Variants in TENM2 observed in about 807,000 individuals in gnomAD.
TENM2 encodes the protein teneurin transmembrane protein 2, also known as teneurin-2.
Under a neutral mutation model 245.2 loss-of-function variants are expected in TENM2, and 52 were observed. That is an observed-to-expected ratio of 0.21 (90% CI 0.17 to 0.27). The LOEUF (loss-of-function observed/expected upper bound fraction) is 0.27. Among genes scored for constraint, TENM2 ranks in the 10% least tolerant of loss-of-function variants. The probability of loss-of-function intolerance (pLI) is 1.00; values close to 1 mark genes in which losing one functional copy is unlikely to be tolerated. For missense variants in TENM2, 3,046 were observed against 3,666.8 expected (o/e 0.83, Z 4.37); for synonymous variants, 1,363 against 1,438.9 (o/e 0.95, Z 1.19).
At chr5:167,758,855 A>C (rs1199784991) in intron 2 of TENM2, among the ~76,000 whole-genome samples, 8 of 152,058 alleles carry the variant, frequency 5.3e-5, no homozygotes, top group African/African-American at 1.9e-4. Flanking sequence ...ATCTGCTTTC[A>C]TGCTAGGACC....
chr5:168,190,026 A>G (rs1760806075), intron 13 of TENM2, among the ~76,000 whole-genome samples: 1 of 152,140 alleles, frequency 6.6e-6, no homozygotes, highest in African/African-American at 2.4e-5. Context: ...TTATTTTCCC[A>G]CTCAAATAAT....
chr5:167,570,988 G>A (rs181561313), intron 2 of TENM2, among the ~76,000 whole-genome samples: 215 of 152,250 alleles, frequency 1.4e-3, no homozygotes, highest in African/African-American at 4.7e-3. Context: ...TATTATCCAA[G>A]TGGAAAAACC....
At chr5:166,991,455 G>C in the TENM2 span, among the ~76,000 whole-genome samples, 9 of 152,056 alleles carry the variant, frequency 5.9e-5, no homozygotes, top group African/African-American at 2.2e-4. Flanking sequence ...TTCAGACCTA[G>C]TAATTTAACA....
chr5:167,023,900 A>G, the TENM2 span, among the ~76,000 whole-genome samples: 1 of 152,218 alleles, frequency 6.6e-6, no homozygotes, highest in Admixed American at 6.5e-5. Flanking sequence ...TTAGGTCAAC[A>G]CTTTACTTAT....
At chr5:167,329,551 CA>C (rs34165505) in intron 1 of TENM2, among the ~76,000 whole-genome samples, 702 of 21,832 alleles carry the variant, frequency 0.032, 1 homozygote, top group East Asian at 0.26. Flanking sequence ...GACTCAGTCT[CA>C]AAAAAAAAAA....
At chr5:167,422,793 C>A (rs774996838) in intron 2 of TENM2, among the ~76,000 whole-genome samples, 11 of 152,132 alleles carry the variant, frequency 7.2e-5, no homozygotes, top group Non-Finnish European at 1.5e-4. Context: ...GGAGCATACA[C>A]TGTCAGGGTA....
chr5:167,355,380 A>AT (rs1310890975), intron 1 of TENM2, among the ~76,000 whole-genome samples: 1 of 152,016 alleles, frequency 6.6e-6, no homozygotes, highest in Non-Finnish European at 1.5e-5. Flanking sequence ...CCGAATGGAG[A>AT]TTGAACACAC....
chr5:167,418,874 C>G (rs1437491773), intron 2 of TENM2, among the ~76,000 whole-genome samples: 1 of 151,902 alleles, frequency 6.6e-6, no homozygotes, highest in Non-Finnish European at 1.5e-5. Context: ...CCCTTGGCAT[C>G]AAGAATAAAT....
intron 3 of TENM2, among the ~76,000 whole-genome samples, chr5:167,923,868 G>A (rs777458890): frequency 1.7e-4 from 26 of 152,038 alleles, no homozygotes; most frequent in Non-Finnish European, 2.9e-4. Flanking sequence ...TCACCTTTCC[G>A]TCAAATGTTC....
chr5:167,060,494 T>C, the TENM2 span, among the ~76,000 whole-genome samples: 28 of 151,698 alleles, frequency 1.8e-4, no homozygotes, highest in African/African-American at 6.3e-4. Flanking sequence ...CTACTAAAAA[T>C]ACAAAAATTA....
At chr5:167,093,682 G>T in the TENM2 span, among the ~76,000 whole-genome samples, 1 of 152,146 alleles carries the variant, frequency 6.6e-6, no homozygotes, top group African/African-American at 2.4e-5. Context: ...ACAAGTCTTG[G>T]ACTTTGTACC....
intron 2 of TENM2, among the ~76,000 whole-genome samples, chr5:167,819,085 C>T (rs369604773): frequency 2.7e-5 from 4 of 146,602 alleles, no homozygotes; most frequent in African/African-American, 7.8e-5. Flanking sequence ...TGTGTGTGTG[C>T]GTGCGCGTTC....
chr5:167,362,125 C>CG (rs1393162251), intron 1 of TENM2, among the ~76,000 whole-genome samples: 1 of 152,078 alleles, frequency 6.6e-6, no homozygotes, highest in Non-Finnish European at 1.5e-5. Context: ...TTGTAACCTA[C>CG]GACATGTGTT....
At chr5:167,287,295 A>T (rs1196118676) in intron 1 of TENM2, 1 of 152,182 alleles carries the variant, frequency 6.6e-6, no homozygotes, top group South Asian at 2.1e-4. Flanking sequence ...TAAATTTTAC[A>T]CTCAGTAATA....
In TENM2 at chr5:167,355,037, T is replaced by C. The variant is rs112494439; in HGVS notation, c.227-20161T>C. On this transcript the variant is annotated intron_variant, in intron 1 of 28. Transcript: ENST00000518659. ...AAACCATCAGGAATAAGATACGATA[T>C]TGTAATTGCATATTTCTGTTTATCT... Among the ~76,000 whole-genome samples the C allele has an allele frequency of 2.3e-3, 347 of 152,288 alleles. 2 individuals are homozygous for C. The highest frequency in any genetic ancestry group is 8.0e-3 in the African/African-American group (333 of 41,560).
chr5:167,359,624 T>C (rs1030187202), intron 1 of TENM2, among the ~76,000 whole-genome samples: 1 of 152,198 alleles, frequency 6.6e-6, no homozygotes, highest in Non-Finnish European at 1.5e-5. Context: ...GGGGCATCGC[T>C]GTCACGAAAC....
chr5:167,803,807 G>A (rs1477921164), intron 2 of TENM2, among the ~76,000 whole-genome samples: 1 of 151,952 alleles, frequency 6.6e-6, no homozygotes, highest in African/African-American at 2.4e-5. Context: ...GTACAGTTTA[G>A]TGATTTTTAA....
chr5:167,608,572 C>T (rs899476959), intron 2 of TENM2, among the ~76,000 whole-genome samples: 1 of 152,190 alleles, frequency 6.6e-6, no homozygotes, highest in Non-Finnish European at 1.5e-5. Context: ...TCGGCAGCGC[C>T]GACATCCCCT....
chr5:167,521,284 A>G (rs1176158380), intron 2 of TENM2, among the ~76,000 whole-genome samples: 2 of 152,178 alleles, frequency 1.3e-5, no homozygotes, highest in African/African-American at 4.8e-5. Context: ...ATGCAAGTAT[A>G]TCACTACTCA....
Sources: allele counts gnomAD v4.1 joint callset (sites outside exome capture counted in the v4.1 genomes callset), GRCh38; gene constraint gnomAD v4.1.1; transcripts MANE v1.5; gene names NCBI Gene and HGNC (gene_info 2026-07-23, HGNC 2026-07-21).